Variants in CNBD1 observed in about 807,000 individuals in gnomAD.
The protein encoded by CNBD1 is cyclic nucleotide-binding domain-containing protein 1.
CNBD1 carries 71 observed loss-of-function variants against 54.4 expected under a neutral mutation model. That is an observed-to-expected ratio of 1.30 (90% CI 1.08 to 1.59). The LOEUF is 1.59. Among genes scored for constraint, CNBD1 ranks in the 40% most tolerant of loss-of-function variants. The pLI, the probability that CNBD1 is intolerant of heterozygous loss-of-function variation, is 0.00. For missense variants in CNBD1, 659 were observed against 518.0 expected (o/e 1.27, Z -2.64); for synonymous variants, 182 against 170.7 (o/e 1.07, Z -0.51).
At chr8:87,188,764 TAA>T (rs1162290403) in intron 4 of CNBD1, among the ~76,000 whole-genome samples, 3 of 134,472 alleles carry the variant, frequency 2.2e-5, no homozygotes, top group African/African-American at 5.8e-5. Flanking sequence ...AAAAAAAAAA[TAA>T]AAATAAAAAA....
intron 8 of CNBD1, among the ~76,000 whole-genome samples, chr8:87,302,933 T>C (rs1385325143): frequency 6.2e-4 from 94 of 151,838 alleles, no homozygotes; most frequent in Non-Finnish European, 1.1e-3. Flanking sequence ...TTACAAGGGA[T>C]GTGAAGGACC....
At chr8:87,101,038 G>C (rs1270812758) in intron 4 of CNBD1, among the ~76,000 whole-genome samples, 1 of 152,216 alleles carries the variant, frequency 6.6e-6, no homozygotes, top group Non-Finnish European at 1.5e-5. Context: ...AAAGATTTTA[G>C]TTTGAATCTA....
intron 8 of CNBD1, among the ~76,000 whole-genome samples, chr8:87,317,159 T>A (rs900922236): frequency 6.6e-6 from 1 of 151,794 alleles, no homozygotes; most frequent in Non-Finnish European, 1.5e-5. Flanking sequence ...TAGCCTTGGT[T>A]TCATTAATTT....
chr8:86,986,483 G>T (rs1299287352), intron 4 of CNBD1, among the ~76,000 whole-genome samples: 1 of 151,978 alleles, frequency 6.6e-6, no homozygotes, highest in Non-Finnish European at 1.5e-5. Context: ...TCTTTTAGTA[G>T]TTTCTTACGC....
chr8:86,937,921 A>T (rs1199174763), intron 3 of CNBD1, among the ~76,000 whole-genome samples: 1 of 152,192 alleles, frequency 6.6e-6, no homozygotes, highest in Non-Finnish European at 1.5e-5. Flanking sequence ...CTGCATTTTC[A>T]GGCTGCAAAT....
chr8:87,410,094 A>G (rs1451719159), intron 2 of CNBD1, among the ~76,000 whole-genome samples: 1 of 152,112 alleles, frequency 6.6e-6, no homozygotes, highest in African/African-American at 2.4e-5. Flanking sequence ...CCTGGATGAC[A>G]GCCCATCTGT....
At chr8:87,179,860 T>A (rs1251882503) in intron 4 of CNBD1, among the ~76,000 whole-genome samples, 1 of 152,200 alleles carries the variant, frequency 6.6e-6, no homozygotes, top group Non-Finnish European at 1.5e-5. Context: ...CATTAATCAG[T>A]ATGTCAAAAA....
At chr8:87,224,774 G>A (rs1199625613) in intron 5 of CNBD1, among the ~76,000 whole-genome samples, 2 of 150,586 alleles carry the variant, frequency 1.3e-5, no homozygotes, top group African/African-American at 2.5e-5. Context: ...TTCCAATTCT[G>A]TGAAGAAAGT....
chr8:87,006,913 T>C (rs973994187), intron 4 of CNBD1, among the ~76,000 whole-genome samples: 1 of 152,240 alleles, frequency 6.6e-6, no homozygotes. Context: ...AAACTTCTTA[T>C]TGGCCGGGTG....
At chr8:87,145,365 C>A (rs1403593816) in intron 4 of CNBD1, among the ~76,000 whole-genome samples, 1 of 151,904 alleles carries the variant, frequency 6.6e-6, no homozygotes, top group African/African-American at 2.4e-5. Flanking sequence ...TGGATGAAGG[C>A]AAAATAAATA....
intron 4 of CNBD1, among the ~76,000 whole-genome samples, chr8:87,199,092 C>T (rs953743226): frequency 6.6e-6 from 1 of 152,180 alleles, no homozygotes; most frequent in Admixed American, 6.5e-5. Flanking sequence ...CCACTGAGAG[C>T]ATGGCCCAAG....
chr8:87,116,045 A>AT (rs1811760933), intron 4 of CNBD1, among the ~76,000 whole-genome samples: 1 of 151,862 alleles, frequency 6.6e-6, no homozygotes, highest in African/African-American at 2.4e-5. Flanking sequence ...GCTTCTGTGC[A>AT]TTTTCCTAAC....
chr8:87,002,161 T>C (rs1809006761), intron 4 of CNBD1, among the ~76,000 whole-genome samples: 1 of 152,188 alleles, frequency 6.6e-6, no homozygotes. Flanking sequence ...GAATCCCAGC[T>C]GGGAAGACCT....
chr8:87,354,923 T>C (rs1810392668), intron 10 of CNBD1, among the ~76,000 whole-genome samples: 1 of 152,176 alleles, frequency 6.6e-6, no homozygotes, highest in African/African-American at 2.4e-5. Context: ...ATAAACCCAG[T>C]AATGGGATGG....
chr8:87,368,224 G>C (rs1004519531), intron 10 of CNBD1, among the ~76,000 whole-genome samples: 1 of 147,714 alleles, frequency 6.8e-6, no homozygotes, highest in African/African-American at 2.5e-5. Context: ...TGGGTGATTT[G>C]GGAAGTAGCC....
chr8:87,136,038 G>A (rs917664848), intron 4 of CNBD1, among the ~76,000 whole-genome samples: 7 of 151,978 alleles, frequency 4.6e-5, no homozygotes, highest in African/African-American at 1.7e-4. Flanking sequence ...AGCTTCCAAC[G>A]TCTTGATGGC....
intron 4 of CNBD1, among the ~76,000 whole-genome samples, chr8:87,083,879 C>T (rs143649500): frequency 0.015 from 2,342 of 152,102 alleles, 35 homozygotes; most frequent in Non-Finnish European, 0.024. Context: ...TGAGCCACCG[C>T]GCCTGGCCAA....
intron 4 of CNBD1, among the ~76,000 whole-genome samples, chr8:86,955,874 C>T (rs1230403302): frequency 1.3e-5 from 2 of 152,124 alleles, no homozygotes; most frequent in Non-Finnish European, 2.9e-5. Context: ...GTTGCCATTG[C>T]TTTTGGTGTT....
intron 1 of CNBD1, among the ~76,000 whole-genome samples, chr8:86,879,904 G>T (rs758730603): frequency 1.3e-5 from 2 of 151,966 alleles, no homozygotes; most frequent in Non-Finnish European, 2.9e-5. Flanking sequence ...CGGAGAGAAT[G>T]GGGGAGGAAC....
Sources: gnomAD v4.1 joint callset for allele counts (sites outside exome capture counted in the v4.1 genomes callset) on GRCh38, gnomAD v4.1.1 for gene constraint, MANE v1.5 for transcripts, NCBI Gene and HGNC (gene_info 2026-07-23, HGNC 2026-07-21) for gene names.